Variants in HECTD2 observed in about 807,000 individuals in gnomAD.
The protein encoded by HECTD2 is HECT domain E3 ubiquitin protein ligase 2, also known as probable E3 ubiquitin-protein ligase HECTD2.
HECTD2 carries 35 observed loss-of-function variants against 103.2 expected under a neutral mutation model. The ratio of observed to expected loss-of-function variants is 0.34; its 90% CI spans 0.26 to 0.45. HECTD2 has a LOEUF of 0.45. Ranked by LOEUF, HECTD2 falls within the 20% of genes least tolerant of loss-of-function variation. The pLI is 1.00. For missense variants in HECTD2, 596 were observed against 937.4 expected, an observed-to-expected ratio of 0.64 and a Z score of 4.76; for synonymous variants, 281 against 329.9, an observed-to-expected ratio of 0.85 and a Z score of 1.61.
At chr10:91,431,481 AC>A (rs1363604477) in intron 2 of HECTD2, among the ~76,000 whole-genome samples, 3 of 152,250 alleles carry the variant, frequency 2.0e-5, no homozygotes, top group African/African-American at 7.2e-5. Flanking sequence ...GTGTTTTCCA[AC>A]TTGGTTCCAT....
At chr10:91,461,579 C>T (rs1253737994) in intron 4 of HECTD2, among the ~76,000 whole-genome samples, 1 of 151,960 alleles carries the variant, frequency 6.6e-6, no homozygotes, top group Non-Finnish European at 1.5e-5. Context: ...GATGGAGTCT[C>T]ACTCTGTTGC....
chr10:91,493,222 A>C (rs1846543272), intron 13 of HECTD2, among the ~76,000 whole-genome samples, 198 bp from the exon 14 acceptor site: 1 of 151,368 alleles, frequency 6.6e-6, no homozygotes, highest in Non-Finnish European at 1.5e-5. Context: ...TATTTAATAT[A>C]TATATTTATA....
At chr10:91,419,582 G>A (rs1190931358) in intron 1 of HECTD2, among the ~76,000 whole-genome samples, 3 of 152,094 alleles carry the variant, frequency 2.0e-5, no homozygotes, top group African/African-American at 4.8e-5. Context: ...TGTTTGCAAC[G>A]TTTATTGAAT....
intron 12 of HECTD2, 83 bp from the exon 13 acceptor site, chr10:91,492,269 C>G (rs1846508807): frequency 7.6e-7 from 1 of 1,311,546 alleles, no homozygotes; most frequent in African/African-American, 1.5e-5. Context: ...TAAAGACTGC[C>G]TAACACATTT....
intron 10 of HECTD2, chr10:91,486,377 C>T (rs1746291221): frequency 6.6e-6 from 1 of 152,158 alleles, no homozygotes; most frequent in Admixed American, 6.5e-5. Flanking sequence ...GTTGTAGATA[C>T]AACCACAAAA....
intron 20 of HECTD2, among the ~76,000 whole-genome samples, chr10:91,509,094 AAGGG>A (rs1460143896): frequency 7.4e-6 from 1 of 134,376 alleles, no homozygotes; most frequent in African/African-American, 2.8e-5. Flanking sequence ...TGGACACAGG[AAGGG>A]GAACATCACA....
intron 2 of HECTD2, among the ~76,000 whole-genome samples, chr10:91,459,771 A>C (rs968389449): frequency 2.0e-5 from 3 of 152,100 alleles, no homozygotes; most frequent in African/African-American, 4.8e-5. Context: ...ATAATACTAT[A>C]TTTTTACTAT....
At position 91,485,310 on chromosome 10, in the gene HECTD2, A is replaced by C. The variant is rs749759731; in HGVS notation, c.1094+7A>C. The C allele has an allele frequency of 1.3e-6, 2 of 1,580,570 alleles. No homozygotes were observed. Among genetic ancestry groups the C allele is most frequent in the African/African-American group, 2.8e-5 (2 of 72,706 alleles). Reference sequence around the variant, plus strand: ...ACTTTGGAAACTCTCACAGGTATGAACAAAAGTTCCTTTGATTATCCACCT... The same window carrying C: ...ACTTTGGAAACTCTCACAGGTATGACCAAAAGTTCCTTTGATTATCCACCT... On this transcript the variant is annotated splice_region_variant and intron_variant, in intron 10 of 20. Transcript: ENST00000298068.
Position 91,496,204 on chromosome 10 carries a change from G to T in HECTD2, c.1522-10G>T. ...ATTTTATGTTAATGCTTAACATTTA[G>T]TATGCATAGCTTATGGGACTAGCTG... On this transcript the variant is annotated splice_polypyrimidine_tract_variant and intron_variant, in intron 14 of 20. Coordinates refer to ENST00000298068, the MANE Select transcript of HECTD2 (RefSeq NM_182765.6). 6.3e-7 allele frequency: 1 copy of T among 1,587,832 alleles called. No homozygotes were observed. The highest frequency in any genetic ancestry group is 8.6e-7 in the Non-Finnish European group (1 of 1,164,526).
intron 1 of HECTD2, among the ~76,000 whole-genome samples, chr10:91,424,257 G>C (rs1327788523): frequency 6.6e-6 from 1 of 152,162 alleles, no homozygotes; most frequent in Admixed American, 6.6e-5. Context: ...CTGTTAGAAT[G>C]AATCAGATGG....
chr10:91,493,644 T>C (rs1846557590), intron 14 of HECTD2, 136 bp downstream of exon 14: 1 of 505,270 alleles, frequency 2.0e-6, no homozygotes. Flanking sequence ...TATTAGATTT[T>C]CAGTAATCTT....
chr10:91,498,140 A>C lies in HECTD2; in HGVS notation c.1713A>C (p.Ser571=), dbSNP rs1846756077. The change falls in exon 16 of 21, where the codon TCA becomes TCC. Residue 571 remains serine (S), a synonymous_variant. Coordinates refer to ENST00000298068, the MANE Select transcript of HECTD2 (RefSeq NM_182765.6). ...CCCATGGATTAAGTGAACTCTTATC[A>C]CATGAAGGCAATGTTGAAGAAGATT... ...ELAHGLSELL[S]HEGNVEEDFY... is the part of the protein sequence containing the mutation. 3.7e-6 allele frequency: 6 copies of C among 1,612,144 alleles called. No individual in the cohort carries two copies. In the East Asian group the frequency reaches 6.7e-5, roughly 18 times the overall value.
At chr10:91,493,903 C>G (rs1228453678) in intron 14 of HECTD2, among the ~76,000 whole-genome samples, 1 of 151,926 alleles carries the variant, frequency 6.6e-6, no homozygotes, top group African/African-American at 2.4e-5. Context: ...GGAATTAAAT[C>G]TAGCTCTTTA....
rs1846296175 is a variant in HECTD2 at position 91,487,176 on chromosome 10, A to G, written c.1095-506A>G. 1 of 163,898 alleles carries G rather than the reference A, an allele frequency of 6.1e-6. No individual in the cohort carries two copies. The highest frequency in any genetic ancestry group is 2.4e-5 in the African/African-American group (1 of 41,606). 10.2% of individuals were successfully genotyped at this position (163,898 alleles called of 1,614,324 possible). A position where few individuals can be genotyped will look rare whatever the true frequency, so the allele number is the denominator to read the frequency against. On this transcript the variant is annotated intron_variant, in intron 10 of 20. Transcript: ENST00000298068. This position sits in a 1 kb window ranked among gnomAD's most constrained non-coding sequence, Gnocchi z 4.1. ...TTAAATATAATACTAAATGTAACAT[A>G]CATTTCTGATTTATTTTTATTGGTC...
intron 12 of HECTD2, 48 bp from the exon 13 acceptor site, chr10:91,492,304 C>G (rs767321332): frequency 3.9e-6 from 6 of 1,557,988 alleles, no homozygotes; most frequent in East Asian, 4.5e-5. Flanking sequence ...TGTTAATTCT[C>G]TTTTCACTGC....
intron 2 of HECTD2, among the ~76,000 whole-genome samples, chr10:91,425,998 A>G (rs1217695599): frequency 2.0e-5 from 3 of 152,048 alleles, no homozygotes. Flanking sequence ...TGCAAATACT[A>G]TGCTTCTATT....
chr10:91,500,383 A>AATT, intron 18 of HECTD2, 119 bp from the exon 19 acceptor site: 1 of 480,820 alleles, frequency 2.1e-6, no homozygotes, highest in Non-Finnish European at 3.8e-6. Context: ...TTCAACAAAA[A>AATT]TGGTTTGATT....
At chr10:91,410,094 G>C (rs928261548), upstream of HECTD2, among the ~76,000 whole-genome samples, 26 of 152,036 alleles carry the variant, frequency 1.7e-4, no homozygotes, top group African/African-American at 6.3e-4. Context: ...TATGGCGGTC[G>C]GGCGTCGACC....
chr10:91,414,227 A>G (rs765643302), intron 1 of HECTD2, among the ~76,000 whole-genome samples: 13 of 152,198 alleles, frequency 8.5e-5, no homozygotes, highest in Non-Finnish European at 1.8e-4. Flanking sequence ...GACTTAGGTC[A>G]GAGAGGTGAA....
Sources: allele counts gnomAD v4.1 joint callset (sites outside exome capture counted in the v4.1 genomes callset), GRCh38; gene constraint gnomAD v4.1.1; non-coding constraint Gnocchi (gnomAD v3.1); transcripts MANE v1.5; gene names NCBI Gene and HGNC (gene_info 2026-07-23, HGNC 2026-07-21).